The following FSTL1 variants were observed in gnomAD, a reference collection of about 807,000 sequenced individuals.
FSTL1 encodes follistatin-related protein 1.
In FSTL1, 24 loss-of-function variants were observed where a neutral mutation model predicts 45.9. That is an observed-to-expected ratio of 0.52 (90% CI 0.38 to 0.74). The LOEUF (loss-of-function observed/expected upper bound fraction) is 0.74, where lower values mean the gene tolerates loss of function less well. Ranked by LOEUF, FSTL1 falls within the 30% of genes least tolerant of loss-of-function variation. FSTL1 has a pLI of 0.00. For missense variants in FSTL1, 340 were observed against 381.8 expected (o/e 0.89, Z 0.91); for synonymous variants, 120 against 137.6 (o/e 0.87, Z 0.89).
At chr3:120,403,744 T>C (rs1270825548) in intron 7 of FSTL1, among the ~76,000 whole-genome samples, 1 of 151,030 alleles carries the variant, frequency 6.6e-6, no homozygotes, top group Non-Finnish European at 1.5e-5. Context: ...ATATGACAGA[T>C]GACATGAAAG....
chr3:120,415,330 T>G (rs550280413), intron 3 of FSTL1, among the ~76,000 whole-genome samples: 1 of 152,342 alleles, frequency 6.6e-6, no homozygotes, highest in African/African-American at 2.4e-5. Flanking sequence ...TATGGGAAAA[T>G]GATTGAATAA....
intron 2 of FSTL1, among the ~76,000 whole-genome samples, chr3:120,428,057 C>T (rs746624689): frequency 3.3e-5 from 5 of 152,200 alleles, no homozygotes; most frequent in Non-Finnish European, 7.3e-5. Context: ...CTTACACTGT[C>T]TTCTGAGGTA....
At chr3:120,411,102 T>G (rs915864028) in intron 4 of FSTL1, 118 bp from the exon 5 acceptor site, 6 of 694,354 alleles carry the variant, frequency 8.6e-6, no homozygotes, top group African/African-American at 5.4e-5. Flanking sequence ...CTTTTCATCA[T>G]TTTGTCTTGA....
At chr3:120,416,180 G>A (rs1175264702) in intron 2 of FSTL1, among the ~76,000 whole-genome samples, 153 bp from the exon 3 acceptor site, 1 of 152,114 alleles carries the variant, frequency 6.6e-6, no homozygotes, top group African/African-American at 2.4e-5. Flanking sequence ...AACAGCTGTT[G>A]GAGACGTTGC....
chr3:120,449,575 AAC>A (rs1397517700), intron 2 of FSTL1, among the ~76,000 whole-genome samples: 1 of 152,280 alleles, frequency 6.6e-6, no homozygotes, highest in African/African-American at 2.4e-5. Context: ...TGGCAGTAAA[AAC>A]AGTTGATTGA....
intron 3 of FSTL1, among the ~76,000 whole-genome samples, chr3:120,413,333 C>T (rs56100867): frequency 0.28 from 43,283 of 152,036 alleles, 7,359 homozygotes; most frequent in Non-Finnish European, 0.38. Context: ...TGCTGGGCAA[C>T]GGGCAAAACC....
At chr3:120,416,708 A>G (rs1160901908) in intron 2 of FSTL1, among the ~76,000 whole-genome samples, 4 of 152,180 alleles carry the variant, frequency 2.6e-5, no homozygotes, top group African/African-American at 9.7e-5. Flanking sequence ...TATTTTTGCT[A>G]TGGTCCCATT....
chr3:120,420,256 T>C (rs557561034), intron 2 of FSTL1, among the ~76,000 whole-genome samples: 5 of 152,298 alleles, frequency 3.3e-5, no homozygotes, highest in African/African-American at 1.2e-4. Context: ...ATAACCACAT[T>C]GGCACATGGA....
chr3:120,412,740 T>A (rs1481722387), intron 3 of FSTL1, among the ~76,000 whole-genome samples: 1 of 151,588 alleles, frequency 6.6e-6, no homozygotes, highest in Non-Finnish European at 1.5e-5. Flanking sequence ...ATTCCAACAT[T>A]CAATGACACA....
At chr3:120,397,093 C>T (rs1281465621) in intron 10 of FSTL1, 97 bp from the exon 11 acceptor site, 27 of 989,444 alleles carry the variant, frequency 2.7e-5, no homozygotes, top group Non-Finnish European at 4.4e-5. Context: ...CATTTACAAG[C>T]TTATGCTGAA....
intron 9 of FSTL1, among the ~76,000 whole-genome samples, chr3:120,400,284 A>G (rs1936795429): frequency 6.6e-6 from 1 of 152,200 alleles, no homozygotes; most frequent in Non-Finnish European, 1.5e-5. Flanking sequence ...TTTCTCTGAG[A>G]CAATGACTCT....
At chr3:120,444,600 T>C (rs957887510) in intron 2 of FSTL1, among the ~76,000 whole-genome samples, 1 of 149,856 alleles carries the variant, frequency 6.7e-6, no homozygotes, top group Admixed American at 6.6e-5. Context: ...CCCCTCCTTT[T>C]TTCGAGAGGA....
intron 2 of FSTL1, among the ~76,000 whole-genome samples, chr3:120,426,700 C>T (rs73855241): frequency 0.033 from 5,065 of 152,266 alleles, 180 homozygotes; most frequent in African/African-American, 0.092. Context: ...CTATTCTCGA[C>T]GGTGGTCCAC....
In FSTL1 at chr3:120,402,859, G is replaced by A. The variant is rs760685380; in HGVS notation, c.754C>T (p.Arg252Cys). The A allele has an allele frequency of 1.1e-5, 17 of 1,613,288 alleles. No individual in the cohort carries two copies. The highest frequency in any genetic ancestry group is 1.6e-4 in the Middle Eastern group (1 of 6,084). ...DGAETEVDCN[R>C]CVCACGNWVC... ...CAATTTCCACAGGCACAGACACAGC[G>A]GTTACAGTCCACCTCGGTCTCAGCT... is the stretch of plus-strand genomic sequence containing the variant. The change falls in exon 9 of 11, where the codon CGC becomes TGC. Residue 252 changes from arginine (R) to cysteine (C), a missense_variant. Arg to Cys is a radical substitution (Grantham distance 180, BLOSUM62 -3). Coordinates refer to ENST00000295633, the MANE Select transcript of FSTL1 (RefSeq NM_007085.5).
chr3:120,411,761 G>A, intron 4 of FSTL1, 93 bp downstream of exon 4: 2 of 1,128,080 alleles, frequency 1.8e-6, no homozygotes, highest in Non-Finnish European at 2.6e-6. Flanking sequence ...TGTGGTCGTG[G>A]AGGAAAGACC....
chr3:120,393,614 T>G lies in FSTL1; in HGVS notation c.*3338A>C, dbSNP rs1936633067. The G allele has an allele frequency of 6.6e-6, 1 of 152,180 alleles. No homozygotes were observed. Among genetic ancestry groups the G allele is most frequent in the Non-Finnish European group, 1.5e-5 (1 of 68,034 alleles). 9.4% of individuals were successfully genotyped at this position (152,180 alleles called of 1,614,324 possible). ...CAGCCTCACTGGATGCCATTTAGTC[T>G]CCTAAATCATATGGGGGATTTACGA... On this transcript the variant is annotated 3_prime_UTR_variant, in exon 11 of 11. Transcript: ENST00000295633.
At chr3:120,434,836 T>C (rs977823955) in intron 2 of FSTL1, among the ~76,000 whole-genome samples, 6 of 152,296 alleles carry the variant, frequency 3.9e-5, no homozygotes, top group Middle Eastern at 3.4e-3. Context: ...GTAGACATCA[T>C]CTCCCTTGCC....
At position 120,410,761 on chromosome 3, in the gene FSTL1, A is replaced by G; in HGVS notation, c.331+191T>C. The G allele has an allele frequency of 4.3e-6, 3 of 692,312 alleles. No individual in the cohort carries two copies. In the South Asian group the frequency reaches 4.5e-5, roughly 10 times the overall value. 42.9% of individuals were successfully genotyped at this position (692,312 alleles called of 1,614,324 possible). On this transcript the variant is annotated intron_variant, in intron 5 of 10. Coordinates refer to ENST00000295633, the MANE Select transcript of FSTL1 (RefSeq NM_007085.5). ...ACATTCTGACCCAACCAGCTGCTTC[A>G]ATTGGCAAACACATACACAAATGTA...
intron 2 of FSTL1, 41 bp from the exon 3 acceptor site, chr3:120,416,068 G>T: frequency 7.3e-7 from 1 of 1,365,208 alleles, no homozygotes; most frequent in Non-Finnish European, 1.0e-6. Context: ...TGACTGAGAT[G>T]AACCCATTAT....
Sources: allele counts gnomAD v4.1 joint callset (sites outside exome capture counted in the v4.1 genomes callset), GRCh38; gene constraint gnomAD v4.1.1; transcripts MANE v1.5; gene names NCBI Gene and HGNC (gene_info 2026-07-23, HGNC 2026-07-21).